Variants in SLC25A26 observed in about 807,000 individuals in gnomAD.
SLC25A26 encodes the protein solute carrier family 25 member 26.
In SLC25A26, 36 loss-of-function variants were observed where a neutral mutation model predicts 37.8. The observed-to-expected ratio is 0.95, with a 90% CI of 0.73 to 1.26. The LOEUF is 1.26. Ranked by LOEUF, SLC25A26 falls within the 50% of genes most tolerant of loss-of-function variation. The probability of loss-of-function intolerance (pLI) is 0.00; values close to 1 mark genes in which losing one functional copy is unlikely to be tolerated. For missense variants in SLC25A26, 390 were observed against 331.1 expected (o/e 1.18, Z -1.38); for synonymous variants, 129 against 122.5 (o/e 1.05, Z -0.35).
intron 5 of SLC25A26, among the ~76,000 whole-genome samples, chr3:66,306,295 T>C (rs2075219192): frequency 6.6e-6 from 1 of 152,234 alleles, no homozygotes; most frequent in African/African-American, 2.4e-5. Context: ...CTTAACTTTG[T>C]AATAATTGCC....
intron 5 of SLC25A26, among the ~76,000 whole-genome samples, chr3:66,329,995 ATGT>A (rs1559706320): frequency 2.6e-5 from 4 of 152,158 alleles, no homozygotes; most frequent in African/African-American, 9.7e-5. Context: ...AGAACCTCCT[ATGT>A]GCCAGATGCT....
Position 66,251,095 on chromosome 3 carries a change from G to C in SLC25A26, c.300+7783G>C, listed in dbSNP as rs1312486028. On this transcript the variant is annotated intron_variant, in intron 3 of 9. Coordinates refer to ENST00000354883, the MANE Select transcript of SLC25A26 (RefSeq NM_001379210.1). ...GGTGTTAGAGTTCTGAAAAGACCTTGTTAGGTAGTTTTAAGTTCCATATGT... is the reference window on the plus strand; with the variant it reads ...GGTGTTAGAGTTCTGAAAAGACCTTCTTAGGTAGTTTTAAGTTCCATATGT... Among the ~76,000 whole-genome samples, 6 of 152,220 alleles carry C rather than the reference G, an allele frequency of 3.9e-5. No individual in the cohort carries two copies. In the East Asian group the frequency reaches 1.2e-3, roughly 29 times the overall value.
chr3:66,355,119 A>C (rs185996877), intron 6 of SLC25A26, among the ~76,000 whole-genome samples: 1 of 152,156 alleles, frequency 6.6e-6, no homozygotes. Context: ...AGTTCCAAAA[A>C]TATCACTGTA....
chr3:66,374,152 A>C (rs957331350), intron 9 of SLC25A26, among the ~76,000 whole-genome samples: 1 of 152,240 alleles, frequency 6.6e-6, no homozygotes, highest in Non-Finnish European at 1.5e-5. Flanking sequence ...TACAGAAGTA[A>C]TACAGGCATA....
Position 66,174,017 on chromosome 3 carries a change from C to T in SLC25A26, c.-354+40033C>T, listed in dbSNP as rs138098746. ...GCAGTGAGCCGAGATCGTGCCACTG[C>T]GCTCCAGCCTAGGTGACAGAGCAAG... On this transcript the variant is annotated intron_variant, in intron 1 of 10. Transcript: ENST00000676754. 5.9e-3 allele frequency among the ~76,000 whole-genome samples: 899 copies of T among 151,624 alleles called. 8 individuals are homozygous for T. Among genetic ancestry groups the T allele is most frequent in the African/African-American group, 0.02 (844 of 41,278 alleles).
chr3:66,161,791 G>A (rs2070363548), intron 1 of SLC25A26, among the ~76,000 whole-genome samples: 7 of 152,146 alleles, frequency 4.6e-5, no homozygotes. Flanking sequence ...GAGACACACA[G>A]TCCCTGACTT....
upstream of SLC25A26, among the ~76,000 whole-genome samples, chr3:66,218,996 A>C (rs1468576032): frequency 1.3e-5 from 2 of 152,260 alleles, no homozygotes; most frequent in African/African-American, 4.8e-5. Context: ...GAGGTAATAG[A>C]AGTTTATCGT....
At chr3:66,260,797 G>A (rs1007918503) in intron 3 of SLC25A26, among the ~76,000 whole-genome samples, 7 of 152,184 alleles carry the variant, frequency 4.6e-5, no homozygotes. Context: ...ATATTATTAT[G>A]TATAGATGCT....
At chr3:66,150,603 GATATAT>G (rs1169750069) in intron 1 of SLC25A26, among the ~76,000 whole-genome samples, 502 of 25,908 alleles carry the variant, frequency 0.019, 9 homozygotes, top group Non-Finnish European at 0.023. Flanking sequence ...TATGTAATGA[GATATAT>G]ATATATATAT....
chr3:66,294,023 A>G (rs1444631385), intron 5 of SLC25A26, among the ~76,000 whole-genome samples: 1 of 151,922 alleles, frequency 6.6e-6, no homozygotes, highest in Non-Finnish European at 1.5e-5. Context: ...GTTCCATATG[A>G]ATTTTAAAAT....
intron 5 of SLC25A26, among the ~76,000 whole-genome samples, chr3:66,342,313 C>T (rs2076227354): frequency 6.6e-6 from 1 of 152,104 alleles, no homozygotes; most frequent in Non-Finnish European, 1.5e-5. Context: ...GCTTTTACAG[C>T]TTTTTAGATG....
chr3:66,371,884 G>A (rs1332055650), intron 9 of SLC25A26, among the ~76,000 whole-genome samples: 1 of 152,148 alleles, frequency 6.6e-6, no homozygotes, highest in Non-Finnish European at 1.5e-5. Flanking sequence ...GTCGCTCGAA[G>A]TTAGGAGTTT....
intron 6 of SLC25A26, among the ~76,000 whole-genome samples, chr3:66,352,443 T>TG (rs1491439097): frequency 5.7e-5 from 5 of 86,982 alleles, no homozygotes; most frequent in African/African-American, 7.7e-5. Context: ...TTGTTTTTTG[T>TG]TTTTTTTTTT....
chr3:66,235,502 G>T (rs1353329607), intron 1 of SLC25A26, among the ~76,000 whole-genome samples: 1 of 152,016 alleles, frequency 6.6e-6, no homozygotes, highest in Non-Finnish European at 1.5e-5. Context: ...AAATTATCAA[G>T]GAATTTTCAA....
At chr3:66,281,610 C>G (rs1165177428) in intron 5 of SLC25A26, among the ~76,000 whole-genome samples, 2 of 152,052 alleles carry the variant, frequency 1.3e-5, no homozygotes, top group Admixed American at 1.3e-4. Flanking sequence ...ATGTACCAGA[C>G]AGTTTACTCG....
At chr3:66,248,985 C>T (rs1165518681) in intron 3 of SLC25A26, among the ~76,000 whole-genome samples, 4 of 152,156 alleles carry the variant, frequency 2.6e-5, no homozygotes, top group African/African-American at 9.7e-5. Flanking sequence ...TGAACTTACA[C>T]CCCAGTAGTA....
At chr3:66,315,587 A>T (rs958125047) in intron 5 of SLC25A26, among the ~76,000 whole-genome samples, 1 of 152,178 alleles carries the variant, frequency 6.6e-6, no homozygotes, top group Admixed American at 6.5e-5. Flanking sequence ...AAGAATGCAT[A>T]TTCTGTTGTT....
intron 1 of SLC25A26, among the ~76,000 whole-genome samples, chr3:66,214,786 T>A (rs1047714637): frequency 2.7e-5 from 4 of 150,560 alleles, no homozygotes; most frequent in African/African-American, 4.9e-5. Flanking sequence ...TTAACTGAAA[T>A]TTTTTTTTTG....
intron 1 of SLC25A26, among the ~76,000 whole-genome samples, chr3:66,150,533 AT>A (rs1321226195): frequency 7.5e-6 from 1 of 133,152 alleles, no homozygotes; most frequent in Admixed American, 8.2e-5. Context: ...TGATATATAT[AT>A]ATATATATAT....
Sources: gnomAD v4.1 joint callset for allele counts (sites outside exome capture counted in the v4.1 genomes callset) on GRCh38, gnomAD v4.1.1 for gene constraint, MANE v1.5 for transcripts, NCBI Gene and HGNC (gene_info 2026-07-23, HGNC 2026-07-21) for gene names.